GPC6: variants seen among roughly 807,000 people sequenced by gnomAD.
The protein encoded by GPC6 is glypican 6.
In GPC6, 14 loss-of-function variants were observed where a neutral mutation model predicts 55.2. That is an observed-to-expected ratio of 0.25 (90% CI 0.17 to 0.40). The LOEUF (loss-of-function observed/expected upper bound fraction) is 0.40. GPC6 is among the 10% of genes least tolerant of loss of function. GPC6 has a pLI of 1.00. For synonymous variants in GPC6, 278 were observed against 259.6 expected (o/e 1.07, Z -0.68); for missense variants, 641 against 708.5 (o/e 0.90, Z 1.08).
chr13:93,514,902 A>G (rs961166101), intron 1 of GPC6, among the ~76,000 whole-genome samples: 2 of 152,196 alleles, frequency 1.3e-5, no homozygotes, highest in East Asian at 1.9e-4. Context: ...TGCTTGTTAT[A>G]TGAAAATTAC....
chr13:94,044,559 G>T (rs552107888), intron 4 of GPC6, among the ~76,000 whole-genome samples: 1 of 151,944 alleles, frequency 6.6e-6, no homozygotes, highest in African/African-American at 2.4e-5. Context: ...CCAATATTTT[G>T]CTATAACAAA....
At chr13:94,119,443 C>T (rs561218890) in intron 4 of GPC6, among the ~76,000 whole-genome samples, 28 of 143,060 alleles carry the variant, frequency 2.0e-4, no homozygotes, top group Middle Eastern at 3.5e-3. Flanking sequence ...CAACTGAAGG[C>T]GGTGAAGGAG....
intron 3 of GPC6, among the ~76,000 whole-genome samples, chr13:93,922,372 T>C (rs374460228): frequency 1.5e-4 from 23 of 152,200 alleles, no homozygotes; most frequent in African/African-American, 5.5e-4. Flanking sequence ...CTATCTGCTG[T>C]TGAATTTGGT....
intron 1 of GPC6, among the ~76,000 whole-genome samples, chr13:93,524,253 C>T (rs976421): frequency 0.058 from 8,781 of 152,014 alleles, 828 homozygotes; most frequent in African/African-American, 0.2. Flanking sequence ...TCACCACTCA[C>T]CTCCTTAACC....
chr13:93,425,342 C>G (rs1877087732), intron 1 of GPC6, among the ~76,000 whole-genome samples: 1 of 152,232 alleles, frequency 6.6e-6, no homozygotes, highest in Middle Eastern at 3.4e-3. Context: ...CAAATGAAAT[C>G]TATGTAAATA....
intron 2 of GPC6, among the ~76,000 whole-genome samples, chr13:93,731,952 T>C (rs1883839347): frequency 6.6e-6 from 1 of 152,200 alleles, no homozygotes; most frequent in Non-Finnish European, 1.5e-5. Flanking sequence ...GATACAATAT[T>C]CTTCATCTCT....
chr13:93,628,348 A>G (rs1289269455), intron 2 of GPC6, among the ~76,000 whole-genome samples: 1 of 152,172 alleles, frequency 6.6e-6, no homozygotes. Flanking sequence ...CTCCTTTGTA[A>G]TGCAGGCACA....
intron 4 of GPC6, among the ~76,000 whole-genome samples, chr13:94,066,148 C>T (rs903621974): frequency 2.0e-5 from 3 of 152,146 alleles, no homozygotes; most frequent in African/African-American, 4.8e-5. Flanking sequence ...TGAGACACTA[C>T]ATCAAATACT....
chr13:94,152,022 C>G (rs1199709612), intron 4 of GPC6, among the ~76,000 whole-genome samples: 1 of 152,034 alleles, frequency 6.6e-6, no homozygotes, highest in Non-Finnish European at 1.5e-5. Context: ...CAGAGCCATA[C>G]TAGAGCAATC....
chr13:93,623,956 T>C (rs1594320269), intron 2 of GPC6, among the ~76,000 whole-genome samples: 1 of 152,128 alleles, frequency 6.6e-6, no homozygotes, highest in Non-Finnish European at 1.5e-5. Context: ...CTTGAGTTAT[T>C]TGTGTTCCTT....
At chr13:93,394,200 G>A (rs1875758421) in intron 1 of GPC6, among the ~76,000 whole-genome samples, 1 of 152,040 alleles carries the variant, frequency 6.6e-6, no homozygotes. Flanking sequence ...TATTCTAATA[G>A]CATTTTATGC....
At chr13:93,947,833 G>C (rs867421568) in intron 3 of GPC6, among the ~76,000 whole-genome samples, 3 of 151,870 alleles carry the variant, frequency 2.0e-5, no homozygotes, top group African/African-American at 2.4e-5. Context: ...TTGAGAATTA[G>C]CTGGGTCTTA....
intron 3 of GPC6, among the ~76,000 whole-genome samples, chr13:93,991,828 A>G (rs1881321224): frequency 6.6e-6 from 1 of 152,208 alleles, no homozygotes; most frequent in African/African-American, 2.4e-5. Flanking sequence ...TAGTATGTGT[A>G]ATGATATAAC....
Position 93,227,138 on chromosome 13 carries a change from C to A in GPC6, c.-319C>A. 1 of 216,660 alleles carries A rather than the reference C, an allele frequency of 4.6e-6. No homozygotes were observed. Among genetic ancestry groups the A allele is most frequent in the Non-Finnish European group, 9.1e-6 (1 of 109,506 alleles). The allele number at this position is 216,660 out of a possible 1,614,324, so 13.4% of individuals were successfully genotyped here. On this transcript the variant is annotated 5_prime_UTR_variant, in exon 1 of 9. Transcript: ENST00000377047. The surrounding 1 kb of genome is among the most constrained non-coding windows in gnomAD (Gnocchi z 4.3). ...CGGAACTCGGATTGCAGCTCTGAAC[C>A]CCCATGGTGGTTTTTTAAACACTTC... is the stretch of plus-strand genomic sequence containing the variant.
chr13:93,384,044 A>G (rs1445229344), intron 1 of GPC6, among the ~76,000 whole-genome samples: 1 of 152,224 alleles, frequency 6.6e-6, no homozygotes, highest in Non-Finnish European at 1.5e-5. Flanking sequence ...TACCAAAGAC[A>G]TATCAGTTAT....
intron 2 of GPC6, among the ~76,000 whole-genome samples, chr13:93,646,103 T>A (rs1051475897): frequency 1.3e-5 from 2 of 152,140 alleles, no homozygotes; most frequent in Non-Finnish European, 2.9e-5. Flanking sequence ...CCTCTATCAC[T>A]AGTATATAAT....
At chr13:93,725,569 G>A (rs1428474089) in intron 2 of GPC6, among the ~76,000 whole-genome samples, 2 of 151,858 alleles carry the variant, frequency 1.3e-5, no homozygotes, top group Non-Finnish European at 2.9e-5. Flanking sequence ...TTTCTCAGAG[G>A]GCCCCCATGC....
chr13:93,331,328 T>C (rs1434711950), intron 1 of GPC6, among the ~76,000 whole-genome samples: 1 of 147,956 alleles, frequency 6.8e-6, no homozygotes, highest in African/African-American at 2.5e-5. Flanking sequence ...TTATCCATTC[T>C]CACTGACATC....
intron 3 of GPC6, among the ~76,000 whole-genome samples, chr13:93,831,203 A>T (rs1887480280): frequency 6.6e-6 from 1 of 152,190 alleles, no homozygotes; most frequent in South Asian, 2.1e-4. Context: ...ATCAATCATT[A>T]ATCTACTTTT....
Sources: gnomAD v4.1 joint callset for allele counts (sites outside exome capture counted in the v4.1 genomes callset) on GRCh38, gnomAD v4.1.1 for gene constraint, Gnocchi (gnomAD v3.1) non-coding constraint, MANE v1.5 for transcripts, NCBI Gene and HGNC (gene_info 2026-07-23, HGNC 2026-07-21) for gene names.